TRDN: variants seen among roughly 807,000 people sequenced by gnomAD.
The protein encoded by TRDN is triadin.
A neutral mutation model predicts 149.7 loss-of-function variants in TRDN; 161 were observed. The observed-to-expected ratio is 1.08, with a 90% CI of 0.95 to 1.23. TRDN has a LOEUF of 1.23. Among genes scored for constraint, TRDN ranks in the 50% most tolerant of loss-of-function variants. TRDN has a pLI of 0.00. For synonymous variants in TRDN, 294 were observed against 250.5 expected, an observed-to-expected ratio of 1.17 and a Z score of -1.64; for missense variants, 896 against 823.5, an observed-to-expected ratio of 1.09 and a Z score of -1.08.
chr6:123,245,413 TGGAA>T (rs1776135439), intron 38 of TRDN, among the ~76,000 whole-genome samples: 1 of 148,554 alleles, frequency 6.7e-6, no homozygotes, highest in Non-Finnish European at 1.5e-5. Context: ...ACCAAGCAAA[TGGAA>T]AGAAAAAAAA....
At chr6:123,425,526 G>C (rs1167273458) in intron 12 of TRDN, among the ~76,000 whole-genome samples, 1 of 151,990 alleles carries the variant, frequency 6.6e-6, no homozygotes, top group Non-Finnish European at 1.5e-5. Flanking sequence ...GAGCCCTAGA[G>C]TGCTTCCAAT....
At position 123,612,418 on chromosome 6, in the gene TRDN, A is replaced by C. The variant is rs557338768; in HGVS notation, c.22+24336T>G. On this transcript the variant is annotated intron_variant, in intron 1 of 40. Coordinates refer to ENST00000334268, the MANE Select transcript of TRDN (RefSeq NM_006073.4). ...AAAATTTAAAGTTTAATAATAATAA[A>C]ATTTTAAAAAAAGGAAATAAGAACA... Among the ~76,000 whole-genome samples, 166 of 152,090 alleles carry C rather than the reference A, an allele frequency of 1.1e-3. 1 individual carries two copies. The highest frequency in any genetic ancestry group is 3.9e-3 in the African/African-American group (162 of 41,486).
chr6:123,522,940 A>G (rs1779758984), intron 5 of TRDN, among the ~76,000 whole-genome samples: 1 of 152,186 alleles, frequency 6.6e-6, no homozygotes, highest in African/African-American at 2.4e-5. Context: ...GTTCATGGAT[A>G]ACAAAACAGA....
chr6:123,312,133 C>T (rs539207171), intron 24 of TRDN, among the ~76,000 whole-genome samples: 1 of 151,942 alleles, frequency 6.6e-6, no homozygotes, highest in South Asian at 2.1e-4. Context: ...TATTTTACAA[C>T]AGGGACCCTT....
intron 7 of TRDN, among the ~76,000 whole-genome samples, chr6:123,510,632 T>C (rs1779127015): frequency 7.0e-6 from 1 of 142,992 alleles, no homozygotes; most frequent in African/African-American, 2.6e-5. Flanking sequence ...TCAAGATTTA[T>C]GCATGACCAC....
chr6:123,350,287 A>G, intron 21 of TRDN: 2 of 949,170 alleles, frequency 2.1e-6, no homozygotes, highest in Non-Finnish European at 1.3e-6. Context: ...ATTTTGAGAT[A>G]CTGGAATATC....
At chr6:123,246,689 A>G (rs183506223) in intron 38 of TRDN, among the ~76,000 whole-genome samples, 3 of 152,252 alleles carry the variant, frequency 2.0e-5, no homozygotes, top group Admixed American at 2.0e-4. Context: ...ACCTTCTGAA[A>G]CTATTCCAAA....
chr6:123,601,726 G>A (rs1026121158), intron 1 of TRDN, among the ~76,000 whole-genome samples: 1 of 152,122 alleles, frequency 6.6e-6, no homozygotes, highest in Non-Finnish European at 1.5e-5. Flanking sequence ...ATGAACTGGG[G>A]AACTCTAAGC....
intron 8 of TRDN, among the ~76,000 whole-genome samples, chr6:123,499,042 A>G: frequency 6.6e-6 from 1 of 152,154 alleles, no homozygotes; most frequent in South Asian, 2.1e-4. Flanking sequence ...AACTCCTTAG[A>G]TGAATCTAAT....
At chr6:123,495,395 T>A (rs1186934404) in intron 9 of TRDN, among the ~76,000 whole-genome samples, 1 of 151,882 alleles carries the variant, frequency 6.6e-6, no homozygotes, top group African/African-American at 2.4e-5. Flanking sequence ...GGCAGGGGCC[T>A]GTAATCCCAG....
rs75314009 is a variant in TRDN, at chr6:123,384,946, A to G, written c.1136-2799T>C. ...TGGCTCAAACAGCTTAAAACATTAC[A>G]AAGGCTTACTTGGTCAATATACTTC... is the stretch of plus-strand genomic sequence containing the variant. On this transcript the variant is annotated intron_variant, in intron 14 of 40. Transcript: ENST00000334268. Among the ~76,000 whole-genome samples the G allele has an allele frequency of 6.4e-3, 978 of 152,276 alleles. 10 individuals carry two copies. Among genetic ancestry groups the G allele is most frequent in the African/African-American group, 0.023 (943 of 41,552 alleles).
chr6:123,527,797 T>G (rs1359804198), intron 5 of TRDN, among the ~76,000 whole-genome samples: 1 of 151,698 alleles, frequency 6.6e-6, no homozygotes, highest in African/African-American at 2.4e-5. Context: ...TAAAATAAAT[T>G]TCTACCTCTT....
intron 20 of TRDN, among the ~76,000 whole-genome samples, chr6:123,357,489 A>G (rs889934013): frequency 8.6e-5 from 13 of 152,044 alleles, no homozygotes; most frequent in Admixed American, 8.5e-4. Flanking sequence ...AAAATAGAGA[A>G]TAGGACCAAA....
intron 24 of TRDN, among the ~76,000 whole-genome samples, chr6:123,281,773 T>G (rs1291469810): frequency 6.6e-6 from 1 of 152,038 alleles, no homozygotes; most frequent in Non-Finnish European, 1.5e-5. Context: ...GCTGTCCAAT[T>G]ATAAAATTTG....
chr6:123,379,984 G>A (rs1255832250), intron 16 of TRDN, among the ~76,000 whole-genome samples: 4 of 152,032 alleles, frequency 2.6e-5, no homozygotes, highest in East Asian at 1.9e-4. Flanking sequence ...GTGTACCATC[G>A]AGTAAAGCAA....
intron 10 of TRDN, among the ~76,000 whole-genome samples, chr6:123,442,555 A>C (rs1187144447): frequency 1.1e-5 from 1 of 88,724 alleles, no homozygotes; most frequent in Non-Finnish European, 2.2e-5. Context: ...CAAAAAAAAA[A>C]AAAAAAGAAA....
At chr6:123,227,219 C>T (rs186311240) in intron 38 of TRDN, among the ~76,000 whole-genome samples, 1 of 151,844 alleles carries the variant, frequency 6.6e-6, no homozygotes, top group Admixed American at 6.6e-5. Flanking sequence ...GTTCTAATAG[C>T]ACAGAAATAG....
At chr6:123,430,421 A>G (rs1301360471) in intron 12 of TRDN, among the ~76,000 whole-genome samples, 1 of 151,718 alleles carries the variant, frequency 6.6e-6, no homozygotes, top group Non-Finnish European at 1.5e-5. Flanking sequence ...TCTCTACTAA[A>G]ACTACAAAAA....
At chr6:123,249,663 G>C (rs367983963) in intron 38 of TRDN, among the ~76,000 whole-genome samples, 15 of 152,054 alleles carry the variant, frequency 9.9e-5, no homozygotes, top group African/African-American at 3.1e-4. Context: ...ATCATCATAC[G>C]TGAAATAACT....
Sources: gnomAD v4.1 joint callset for allele counts (sites outside exome capture counted in the v4.1 genomes callset) on GRCh38, gnomAD v4.1.1 for gene constraint, MANE v1.5 for transcripts, NCBI Gene and HGNC (gene_info 2026-07-23, HGNC 2026-07-21) for gene names.